The following FEZ2 variants were observed in gnomAD, a reference collection of about 807,000 sequenced individuals.
FEZ2 encodes fasciculation and elongation protein zeta 2.
A neutral mutation model predicts 40.4 loss-of-function variants in FEZ2; 51 were observed. The ratio of observed to expected loss-of-function variants is 1.26; its 90% CI spans 1.01 to 1.59. FEZ2 has a LOEUF of 1.59. FEZ2 is among the 40% of genes most tolerant of loss of function. The pLI, the probability that FEZ2 is intolerant of heterozygous loss-of-function variation, is 0.00. For missense variants in FEZ2, 640 were observed against 438.3 expected, an observed-to-expected ratio of 1.46 and a Z score of -4.11; for synonymous variants, 242 against 172.0, an observed-to-expected ratio of 1.41 and a Z score of -3.18.
At chr2:36,595,851 C>G (rs558107123) in intron 1 of FEZ2, among the ~76,000 whole-genome samples, 1 of 152,332 alleles carries the variant, frequency 6.6e-6, no homozygotes, top group Non-Finnish European at 1.5e-5. Flanking sequence ...ATACCATTAA[C>G]AAGAGCGACA....
intron 5 of FEZ2, among the ~76,000 whole-genome samples, chr2:36,571,590 G>T (rs1432372078): frequency 6.6e-6 from 1 of 152,032 alleles, no homozygotes; most frequent in Non-Finnish European, 1.5e-5. Flanking sequence ...AGGAGGTAGA[G>T]GCTGCAGTGG....
In FEZ2 at chr2:36,578,734, T is replaced by G. The variant is rs776257409; in HGVS notation, c.766A>C (p.Lys256Gln). 6.2e-7 allele frequency: 1 copy of G among 1,613,924 alleles called. No individual in the cohort carries two copies. Among genetic ancestry groups the G allele is most frequent in the African/African-American group, 1.3e-5 (1 of 74,932 alleles). ...RDELEFEKEV[K>Q]NSFISVLIEV... is the part of the protein sequence containing the mutation. ...ATAAGAACAGAAATAAAGCTGTTTT[T>G]CACTTCCTTTTCAAACTCCAGTTCA... The change falls in exon 5 of 8, where the codon AAA (lysine) becomes CAA (glutamine). Residue 256 changes from lysine (K) to glutamine (Q), a missense_variant. Physicochemically the swap from Lys to Gln is moderately conservative, Grantham distance 53. Transcript: ENST00000405912.
chr2:36,587,586 A>G (rs1468851039), intron 2 of FEZ2, among the ~76,000 whole-genome samples: 2 of 152,236 alleles, frequency 1.3e-5, no homozygotes, highest in African/African-American at 4.8e-5. Context: ...GAAAAATTTA[A>G]AACTGCAATC....
At chr2:36,597,756 G>A in intron 1 of FEZ2, 121 bp downstream of exon 1, 1 of 702,500 alleles carries the variant, frequency 1.4e-6, no homozygotes, top group Non-Finnish European at 2.0e-6. Flanking sequence ...AGGCGAGAGG[G>A]CGGGGACTCC....
chr2:36,572,416 C>A (rs776054543), intron 5 of FEZ2, among the ~76,000 whole-genome samples: 1 of 152,204 alleles, frequency 6.6e-6, no homozygotes, highest in Non-Finnish European at 1.5e-5. Context: ...TTTATCTATG[C>A]AAACTCACTT....
rs1227743848 is a variant in FEZ2 at position 36,558,474 on chromosome 2, G to C, written c.943C>G (p.Pro315Ala). 4 of 1,525,656 alleles carry C rather than the reference G, an allele frequency of 2.6e-6. No individual in the cohort carries two copies. Among genetic ancestry groups the C allele is most frequent in the Non-Finnish European group, 3.5e-6 (4 of 1,132,698 alleles). 94.5% of individuals were successfully genotyped at this position (1,525,656 alleles called of 1,614,324 possible). Residue 315 changes from proline to alanine, a missense_variant, in exon 6 of 8, where the codon CCA becomes GCA. By Grantham distance (27) the Pro-to-Ala change is conservative (BLOSUM62 -1). Transcript: ENST00000405912. ...ATTTGAAGATCTTCAACAGACGGTGGTCCGTTTTTTTTCTCATAAGGAATG... is the reference window on the plus strand; with the variant it reads ...ATTTGAAGATCTTCAACAGACGGTGCTCCGTTTTTTTTCTCATAAGGAATG... ...TVIPYEKKNG[P>A]PSVEDLQILT...
intron 1 of FEZ2, among the ~76,000 whole-genome samples, chr2:36,593,175 C>T (rs1669118531): frequency 6.6e-6 from 1 of 152,332 alleles, no homozygotes; most frequent in African/African-American, 2.4e-5. Flanking sequence ...TACAGTTCCA[C>T]ATGGCTGAGG....
At chr2:36,574,684 G>A (rs1668512107) in intron 5 of FEZ2, among the ~76,000 whole-genome samples, 2 of 151,720 alleles carry the variant, frequency 1.3e-5, no homozygotes, top group Non-Finnish European at 2.9e-5. Flanking sequence ...AGAAGCAGCA[G>A]GTAAGGAATT....
At chr2:36,557,558 A>G (rs1175967378) in intron 6 of FEZ2, 1 of 152,172 alleles carries the variant, frequency 6.6e-6, no homozygotes, top group Non-Finnish European at 1.5e-5. Context: ...CTAATTAGCA[A>G]GTATCATAAA....
intron 4 of FEZ2, among the ~76,000 whole-genome samples, chr2:36,580,981 G>T (rs554007441): frequency 6.6e-6 from 1 of 151,988 alleles, no homozygotes; most frequent in African/African-American, 2.4e-5. Flanking sequence ...ACGAAACCCC[G>T]TCTCTACTAA....
rs747492840 is a variant in FEZ2 at position 36,581,276 on chromosome 2, G to C, written c.634+14C>G. 1.1e-5 allele frequency: 18 copies of C among 1,609,924 alleles called. No homozygotes were observed. Among genetic ancestry groups the C allele is most frequent in the Middle Eastern group, 1.6e-4 (1 of 6,062 alleles). On this transcript the variant is annotated intron_variant, in intron 4 of 7. Coordinates refer to ENST00000405912, the MANE Select transcript of FEZ2 (RefSeq NM_005102.3). ...AAAAGCACAGAAATCATTGATTTCA[G>C]CAGGCTCCCTTACTCTCTTCATAAC... is the stretch of plus-strand genomic sequence containing the variant.
At chr2:36,555,978 T>C in intron 6 of FEZ2, 2 of 651,864 alleles carry the variant, frequency 3.1e-6, no homozygotes, top group Non-Finnish European at 5.8e-6. Context: ...CCCACTTACC[T>C]GAGAGTTGCT....
At chr2:36,593,970 A>G (rs866643029) in intron 1 of FEZ2, among the ~76,000 whole-genome samples, 1 of 151,828 alleles carries the variant, frequency 6.6e-6, no homozygotes, top group Non-Finnish European at 1.5e-5. Context: ...CTGCTTAGAA[A>G]TTTTTTCTGC....
chr2:36,567,587 C>T (rs113701956), intron 5 of FEZ2, among the ~76,000 whole-genome samples: 1,643 of 151,976 alleles, frequency 0.011, 20 homozygotes, highest in African/African-American at 0.038. Context: ...CCTGGTGAAA[C>T]CTCATCTCTA....
chr2:36,554,015 C>T (rs934227219), intron 7 of FEZ2, among the ~76,000 whole-genome samples: 2 of 152,128 alleles, frequency 1.3e-5, no homozygotes, highest in Non-Finnish European at 1.5e-5. Flanking sequence ...ATTGCACTCC[C>T]GTCTTCATTT....
chr2:36,596,488 G>C lies in FEZ2; in HGVS notation c.266+1389C>G, dbSNP rs115055090. The stretch of plus-strand genomic sequence containing the variant: ...GTCCTCATTTTTGAGACAAAGTCTC[G>C]CTCTGACACCCAGGCTGGAGTGCAG... On this transcript the variant is annotated intron_variant, in intron 1 of 7. Coordinates refer to ENST00000405912, the MANE Select transcript of FEZ2 (RefSeq NM_005102.3). 2.5e-3 allele frequency among the ~76,000 whole-genome samples: 388 copies of C among 152,162 alleles called. 1 individual carries two copies. Among genetic ancestry groups the C allele is most frequent in the African/African-American group, 8.8e-3 (367 of 41,508 alleles).
intron 2 of FEZ2, among the ~76,000 whole-genome samples, chr2:36,587,950 A>G (rs930571819): frequency 2.0e-5 from 3 of 152,202 alleles, no homozygotes; most frequent in Non-Finnish European, 4.4e-5. Flanking sequence ...TCACCAGAAT[A>G]GTCATGTCAC....
intron 2 of FEZ2, among the ~76,000 whole-genome samples, chr2:36,587,578 A>G (rs1275049814): frequency 1.3e-5 from 2 of 152,264 alleles, no homozygotes; most frequent in Admixed American, 1.3e-4. Flanking sequence ...CAATCAAAGA[A>G]AAATTTAAAA....
intron 1 of FEZ2, among the ~76,000 whole-genome samples, chr2:36,591,975 C>T (rs536205597): frequency 1.3e-5 from 2 of 152,276 alleles, no homozygotes; most frequent in African/African-American, 4.8e-5. Context: ...TCAAATTTCA[C>T]AACCAAAATT....
Sources: gnomAD v4.1 joint callset for allele counts (sites outside exome capture counted in the v4.1 genomes callset) on GRCh38, gnomAD v4.1.1 for gene constraint, MANE v1.5 for transcripts, NCBI Gene and HGNC (gene_info 2026-07-23, HGNC 2026-07-21) for gene names.